The following CD109 variants were observed in gnomAD, a reference collection of about 807,000 sequenced individuals.
The protein encoded by CD109 is CD109 antigen.
In CD109, 149 loss-of-function variants were observed where a neutral mutation model predicts 165.8. That is an observed-to-expected ratio of 0.90 (90% CI 0.79 to 1.03). The LOEUF (loss-of-function observed/expected upper bound fraction) is 1.03, where lower values mean the gene tolerates loss of function less well. Ranked by LOEUF, CD109 falls within the 50% of genes least tolerant of loss-of-function variation. The probability of loss-of-function intolerance (pLI) is 0.00; values close to 1 mark genes in which losing one functional copy is unlikely to be tolerated. For synonymous variants in CD109, 585 were observed against 592.1 expected (o/e 0.99, Z 0.18); for missense variants, 1,712 against 1,677.8 (o/e 1.02, Z -0.36).
intron 5 of CD109, among the ~76,000 whole-genome samples, chr6:73,751,076 C>T (rs1306200802): frequency 2.6e-5 from 4 of 152,128 alleles, no homozygotes; most frequent in Non-Finnish European, 5.9e-5. Flanking sequence ...GCCTTTGACT[C>T]CTCCAGACTG....
At position 73,803,203 on chromosome 6, in the gene CD109, T is replaced by C; in HGVS notation, c.2879-17T>C. On this transcript the variant is annotated splice_polypyrimidine_tract_variant and intron_variant, in intron 23 of 32. Transcript: ENST00000287097. The stretch of plus-strand genomic sequence containing the variant: ...AGTTAATGATTACTTTGACTATCTG[T>C]CTATTTTTGTGTCTAGGTTACCAGA... 1 of 1,560,624 alleles carries C rather than the reference T, an allele frequency of 6.4e-7. No homozygotes were observed.
chr6:73,792,476 G>T, intron 22 of CD109, 150 bp from the exon 23 acceptor site: 2 of 679,070 alleles, frequency 2.9e-6, no homozygotes, highest in Non-Finnish European at 5.0e-6. Context: ...CTAAAAGCTT[G>T]GTGTAAAGTT....
At chr6:73,697,042 T>C (rs941687128) in intron 1 of CD109, among the ~76,000 whole-genome samples, 10 of 152,244 alleles carry the variant, frequency 6.6e-5, no homozygotes, top group South Asian at 4.1e-4. Context: ...TAAGGTCCTC[T>C]GTAAAGGAGA....
chr6:73,821,357 A>G (rs1424713222), intron 32 of CD109, among the ~76,000 whole-genome samples: 1 of 152,138 alleles, frequency 6.6e-6, no homozygotes, highest in African/African-American at 2.4e-5. Flanking sequence ...TGACCCCACA[A>G]TCCCGTTACT....
chr6:73,696,059 A>G (rs1770812235), upstream of CD109: 2 of 676,426 alleles, frequency 3.0e-6, no homozygotes, highest in Non-Finnish European at 5.1e-6. Context: ...TCCTGTCTCA[A>G]TTTAGATCTC....
rs755882325 is a variant in CD109, at chr6:73,818,471, C to T, written c.3995C>T (p.Ser1332Phe). The T allele has an allele frequency of 1.9e-6, 3 of 1,613,572 alleles. No homozygotes were observed. Among genetic ancestry groups the T allele is most frequent in the Non-Finnish European group, 2.5e-6 (3 of 1,179,862 alleles). ...TTTATGGTGCCTTCAGAAGCAATTT[C>T]TCTGAGCGAGACAGTGAAGAAAGTG... ...SGFMVPSEAI[S>F]LSETVKKVEY... The change falls in exon 31 of 33, where the codon TCT becomes TTT. Residue 1332 changes from serine to phenylalanine, a missense_variant. Physicochemically the swap from Ser to Phe is radical, Grantham distance 155. Coordinates refer to ENST00000287097, the MANE Select transcript of CD109 (RefSeq NM_133493.5).
intron 5 of CD109, among the ~76,000 whole-genome samples, chr6:73,743,572 G>T (rs1318573237): frequency 6.6e-6 from 1 of 152,050 alleles, no homozygotes; most frequent in Non-Finnish European, 1.5e-5. Context: ...TGGACTTGTT[G>T]TCCAGCCTCT....
chr6:73,718,245 T>G (rs1327929086), intron 2 of CD109, among the ~76,000 whole-genome samples: 1 of 152,160 alleles, frequency 6.6e-6, no homozygotes, highest in Admixed American at 6.5e-5. Context: ...TTCATTTCTT[T>G]CTCTTGTCTG....
chr6:73,746,114 A>G (rs1217206383), intron 5 of CD109, among the ~76,000 whole-genome samples: 3 of 152,224 alleles, frequency 2.0e-5, no homozygotes, highest in African/African-American at 7.2e-5. Flanking sequence ...GCCCTATATT[A>G]TCTTAACGCA....
chr6:73,704,931 A>G (rs1771208600), intron 2 of CD109, among the ~76,000 whole-genome samples: 1 of 152,140 alleles, frequency 6.6e-6, no homozygotes, highest in Non-Finnish European at 1.5e-5. Flanking sequence ...GCCTGGTACT[A>G]TTATCTTTTA....
At chr6:73,725,159 TAA>T (rs1379325748) in intron 3 of CD109, among the ~76,000 whole-genome samples, 1 of 152,158 alleles carries the variant, frequency 6.6e-6, no homozygotes, top group Non-Finnish European at 1.5e-5. Flanking sequence ...TTTGTGGCAA[TAA>T]AACATTAGAT....
intron 2 of CD109, 120 bp downstream of exon 2, chr6:73,697,692 C>A: frequency 1.4e-6 from 1 of 722,206 alleles, no homozygotes; most frequent in Non-Finnish European, 2.2e-6. Context: ...ACCTAATATA[C>A]TTTTAATTCT....
At chr6:73,741,898 T>A (rs1233791095) in intron 5 of CD109, among the ~76,000 whole-genome samples, 1 of 152,210 alleles carries the variant, frequency 6.6e-6, no homozygotes, top group African/African-American at 2.4e-5. Context: ...CTCGAACTCC[T>A]GACCTCAGGT....
At chr6:73,767,063 T>C in intron 13 of CD109, 53 bp downstream of exon 13, 3 of 1,506,582 alleles carry the variant, frequency 2.0e-6, no homozygotes, top group South Asian at 2.4e-5. Flanking sequence ...CATCTTTTTA[T>C]TCACTTTTAA....
chr6:73,805,683 T>A (rs1775536134), intron 24 of CD109, among the ~76,000 whole-genome samples: 1 of 152,094 alleles, frequency 6.6e-6, no homozygotes, highest in Admixed American at 6.6e-5. Context: ...TAGGCAGAGG[T>A]CCCTGCAGCC....
intron 3 of CD109, among the ~76,000 whole-genome samples, chr6:73,725,694 G>T (rs1056796017): frequency 5.3e-5 from 8 of 151,774 alleles, no homozygotes; most frequent in Admixed American, 2.0e-4. Context: ...TGTATTTTTA[G>T]TAGGGACAGA....
intron 4 of CD109, among the ~76,000 whole-genome samples, chr6:73,733,188 A>C (rs1450762973): frequency 6.6e-6 from 1 of 152,196 alleles, no homozygotes; most frequent in Non-Finnish European, 1.5e-5. Flanking sequence ...TGTCTTGGCA[A>C]AACTTTTCAG....
intron 31 of CD109, among the ~76,000 whole-genome samples, chr6:73,818,866 G>C (rs1252950928): frequency 6.6e-6 from 1 of 152,148 alleles, no homozygotes; most frequent in African/African-American, 2.4e-5. Flanking sequence ...CTGCCTCAGG[G>C]AGTTGCCTAG....
intron 14 of CD109, among the ~76,000 whole-genome samples, chr6:73,769,191 GTACTTTAGTTTTGTTGAGAAT>G (rs1487108750): frequency 6.6e-6 from 1 of 152,022 alleles, no homozygotes; most frequent in Admixed American, 6.6e-5. Context: ...CGCCAGGCCT[GTACTTTAGTTTTGTTGAGAAT>G]TATTACTCTC....
Sources: allele counts gnomAD v4.1 joint callset (sites outside exome capture counted in the v4.1 genomes callset), GRCh38; gene constraint gnomAD v4.1.1; transcripts MANE v1.5; gene names NCBI Gene and HGNC (gene_info 2026-07-23, HGNC 2026-07-21).